TRUB1: variants seen among roughly 807,000 people sequenced by gnomAD.
TRUB1 encodes pseudouridylate synthase TRUB1.
Under a neutral mutation model 33.9 loss-of-function variants are expected in TRUB1, and 23 were observed. The observed-to-expected ratio is 0.68, with a 90% confidence interval of 0.49 to 0.96. The LOEUF (loss-of-function observed/expected upper bound fraction) is 0.96. Among genes scored for constraint, TRUB1 ranks in the 40% least tolerant of loss-of-function variants. The probability of loss-of-function intolerance (pLI) is 0.00; values close to 1 mark genes in which losing one functional copy is unlikely to be tolerated. For synonymous variants in TRUB1, 163 were observed against 165.4 expected (o/e 0.99, Z 0.11); for missense variants, 378 against 422.2 (o/e 0.90, Z 0.92).
At chr10:114,950,822 T>C (rs1184734806) in intron 2 of TRUB1, among the ~76,000 whole-genome samples, 3 of 152,226 alleles carry the variant, frequency 2.0e-5, no homozygotes, top group African/African-American at 7.2e-5. Flanking sequence ...GTTCTAAGGC[T>C]TCATTGTCTA....
At chr10:114,942,332 C>T (rs1370162672) in intron 1 of TRUB1, among the ~76,000 whole-genome samples, 1 of 152,102 alleles carries the variant, frequency 6.6e-6, no homozygotes, top group Non-Finnish European at 1.5e-5. Context: ...CCACCACTAC[C>T]AAGAATTTAC....
intron 2 of TRUB1, among the ~76,000 whole-genome samples, chr10:114,948,604 T>A (rs1294805097): frequency 6.6e-6 from 1 of 152,240 alleles, no homozygotes; most frequent in Non-Finnish European, 1.5e-5. Flanking sequence ...ATAATTTTTC[T>A]ATATGCCACC....
At chr10:114,973,066 A>G (rs2084344191) in intron 6 of TRUB1, among the ~76,000 whole-genome samples, 1 of 152,096 alleles carries the variant, frequency 6.6e-6, no homozygotes, top group African/African-American at 2.4e-5. Context: ...CAAATCTTTT[A>G]ATCTAAACTC....
At chr10:114,961,217 A>G (rs546582946) in intron 4 of TRUB1, among the ~76,000 whole-genome samples, 26 of 152,236 alleles carry the variant, frequency 1.7e-4, no homozygotes, top group Non-Finnish European at 2.9e-4. Context: ...TAGACAAGTC[A>G]TGAGGCTCTT....
chr10:114,961,873 A>G (rs1050594346), intron 4 of TRUB1, among the ~76,000 whole-genome samples: 1 of 152,222 alleles, frequency 6.6e-6, no homozygotes, highest in Non-Finnish European at 1.5e-5. Flanking sequence ...ACTCTGACCA[A>G]TATTCTCAGC....
chr10:114,952,764 G>A (rs2084242853), intron 3 of TRUB1, among the ~76,000 whole-genome samples: 1 of 152,150 alleles, frequency 6.6e-6, no homozygotes, highest in African/African-American at 2.4e-5. Context: ...GTGTTTGACA[G>A]TTTCTCAGTA....
Position 114,970,436 on chromosome 10 carries a change from C to T in TRUB1, c.592C>T (p.Pro198Ser), listed in dbSNP as rs767688170. 12 of 1,605,990 alleles carry T rather than the reference C, an allele frequency of 7.5e-6. No individual in the cohort carries two copies. In the African/African-American group the frequency reaches 8.0e-5, roughly 11 times the overall value. The change falls in exon 5 of 8, where the codon CCC (proline) becomes TCC (serine). Residue 198 changes from proline (P) to serine (S), a missense_variant. By Grantham distance (74) the Pro-to-Ser change is moderately conservative (BLOSUM62 -1). Transcript: ENST00000298746. ...KFTGNIMQVP[P>S]LYSALKKDGQ... ...TACTGGAAATATAATGCAAGTGCCC[C>T]CCCTGTAAGTTCAATTAGTAAATTT...
At chr10:114,951,399 A>G (rs974146740) in intron 3 of TRUB1, among the ~76,000 whole-genome samples, 1 of 152,224 alleles carries the variant, frequency 6.6e-6, no homozygotes, top group African/African-American at 2.4e-5. Context: ...AATTATATTT[A>G]GACTTTTAAA....
In TRUB1 at chr10:114,975,456, C is replaced by A; in HGVS notation, c.*77C>A. On this transcript the variant is annotated 3_prime_UTR_variant, in exon 8 of 8. Transcript: ENST00000298746. ...CAGATGCAGAATGACAAGCTGCATT[C>A]AAAAGACAAACAATATGTCTTTTTT... 21 of 1,299,826 alleles carry A rather than the reference C, an allele frequency of 1.6e-5. No homozygotes were observed. The highest frequency in any genetic ancestry group is 7.5e-5 in the South Asian group (4 of 53,326). The allele number at this position is 1,299,826 out of a possible 1,614,324, so 80.5% of individuals were successfully genotyped here. A position where few individuals can be genotyped will look rare whatever the true frequency, so the allele number is the denominator to read the frequency against.
At chr10:114,963,735 G>A (rs1024051769) in intron 4 of TRUB1, among the ~76,000 whole-genome samples, 2 of 152,010 alleles carry the variant, frequency 1.3e-5, no homozygotes, top group Non-Finnish European at 2.9e-5. Flanking sequence ...GTGTCCTTTG[G>A]TGTCTAAATT....
At chr10:114,952,437 C>G (rs2084240130) in intron 3 of TRUB1, among the ~76,000 whole-genome samples, 1 of 152,016 alleles carries the variant, frequency 6.6e-6, no homozygotes, top group Non-Finnish European at 1.5e-5. Flanking sequence ...TGAGATGACT[C>G]CATCTCAATA....
At chr10:114,965,442 T>C (rs1048026986) in intron 4 of TRUB1, among the ~76,000 whole-genome samples, 12 of 152,312 alleles carry the variant, frequency 7.9e-5, no homozygotes, top group Non-Finnish European at 1.6e-4. Context: ...TTATCCTTTA[T>C]ATAAATTGTT....
At chr10:114,940,984 T>C (rs1393976566) in intron 1 of TRUB1, among the ~76,000 whole-genome samples, 1 of 152,206 alleles carries the variant, frequency 6.6e-6, no homozygotes, top group African/African-American at 2.4e-5. Flanking sequence ...AGTGGTAATT[T>C]TGTTGGGAGG....
intron 3 of TRUB1, among the ~76,000 whole-genome samples, chr10:114,959,068 G>A (rs576997116): frequency 8.5e-5 from 13 of 152,242 alleles, no homozygotes; most frequent in East Asian, 3.9e-4. Context: ...CCCGGGGGAC[G>A]GAGGTTGCAG....
chr10:114,953,703 C>G (rs922894959), intron 3 of TRUB1, among the ~76,000 whole-genome samples: 1 of 152,104 alleles, frequency 6.6e-6, no homozygotes, highest in Non-Finnish European at 1.5e-5. Flanking sequence ...AAAAGAGGTT[C>G]ATTTGGCTCA....
chr10:114,977,080 A>G lies in TRUB1; in HGVS notation c.*1701A>G, dbSNP rs916627342. 1 of 152,290 alleles carries G rather than the reference A, an allele frequency of 6.6e-6. No homozygotes were observed. Among genetic ancestry groups the G allele is most frequent in the East Asian group, 1.9e-4 (1 of 5,188 alleles). 9.4% of individuals were successfully genotyped at this position (152,290 alleles called of 1,614,324 possible). ...GCTGTATTTTTCACCTTAAAAATTGACACAGAGTTTACTAATAGAGGAGTA... is the reference window on the plus strand; with the variant it reads ...GCTGTATTTTTCACCTTAAAAATTGGCACAGAGTTTACTAATAGAGGAGTA... On this transcript the variant is annotated 3_prime_UTR_variant, in exon 8 of 8. Transcript: ENST00000298746.
chr10:114,949,304 G>A (rs76355563), intron 2 of TRUB1, among the ~76,000 whole-genome samples: 3,671 of 152,258 alleles, frequency 0.024, 61 homozygotes, highest in Non-Finnish European at 0.035. Flanking sequence ...GAATCAAGTC[G>A]CATTGAATCT....
chr10:114,971,998 AG>A (rs2084338797), intron 5 of TRUB1, 136 bp from the exon 6 acceptor site: 17 of 943,478 alleles, frequency 1.8e-5, no homozygotes, highest in Admixed American at 3.1e-5. Context: ...ATTTTTTAGA[AG>A]GATTTTCATT....
intron 5 of TRUB1, 43 bp from the exon 6 acceptor site, chr10:114,972,092 T>C: frequency 2.5e-6 from 4 of 1,606,190 alleles, no homozygotes; most frequent in Non-Finnish European, 3.4e-6. Context: ...CTCTCAATTC[T>C]TGCTCTCCTT....
Sources: gnomAD v4.1 joint callset for allele counts (sites outside exome capture counted in the v4.1 genomes callset) on GRCh38, gnomAD v4.1.1 for gene constraint, MANE v1.5 for transcripts, NCBI Gene and HGNC (gene_info 2026-07-23, HGNC 2026-07-21) for gene names.